Variants in MIR2052HG observed in about 807,000 individuals in gnomAD.
MIR2052HG encodes MIR2052 host gene.
At chr8:74,740,697 G>C (rs1809816473) in intron 4 of MIR2052HG, among the ~76,000 whole-genome samples, 1 of 152,176 alleles carries the variant, frequency 6.6e-6, no homozygotes, top group African/African-American at 2.4e-5. Flanking sequence ...GTTGGAATGA[G>C]ACACAGTGGA....
At chr8:74,722,745 G>T (rs1441789698) in intron 4 of MIR2052HG, among the ~76,000 whole-genome samples, 1 of 152,110 alleles carries the variant, frequency 6.6e-6, no homozygotes, top group Non-Finnish European at 1.5e-5. Context: ...GCTGGTCAAT[G>T]GTTATCTCAT....
intron 4 of MIR2052HG, among the ~76,000 whole-genome samples, chr8:74,708,853 T>G (rs1237950848): frequency 6.6e-6 from 1 of 151,676 alleles, no homozygotes; most frequent in Admixed American, 6.6e-5. Context: ...TTTTAAAATC[T>G]AAATTTAAAT....
At chr8:74,657,070 G>T (rs542458635) in intron 2 of MIR2052HG, among the ~76,000 whole-genome samples, 1 of 152,148 alleles carries the variant, frequency 6.6e-6, no homozygotes, top group South Asian at 2.1e-4. Flanking sequence ...CTGCAAACTC[G>T]TACAAACACT....
chr8:74,674,117 C>A (rs1809024564), intron 2 of MIR2052HG, among the ~76,000 whole-genome samples: 2 of 143,322 alleles, frequency 1.4e-5, no homozygotes, highest in Non-Finnish European at 3.0e-5. Context: ...ATGGTGTAGA[C>A]CGGTTATACC....
At chr8:74,724,794 A>G (rs1455721091) in intron 4 of MIR2052HG, among the ~76,000 whole-genome samples, 1 of 152,184 alleles carries the variant, frequency 6.6e-6, no homozygotes, top group African/African-American at 2.4e-5. Context: ...TCCCAAATTA[A>G]AACAAAAATG....
chr8:74,714,784 A>C (rs1435185064), intron 4 of MIR2052HG, among the ~76,000 whole-genome samples: 2 of 147,054 alleles, frequency 1.4e-5, no homozygotes, highest in Admixed American at 1.4e-4. Flanking sequence ...GGCTCGCTGC[A>C]ACCTCTCCCT....
At chr8:74,621,443 G>C (rs1183590307) in intron 2 of MIR2052HG, among the ~76,000 whole-genome samples, 1 of 152,174 alleles carries the variant, frequency 6.6e-6, no homozygotes, top group East Asian at 1.9e-4. Flanking sequence ...AAAGGAAAGA[G>C]GTTTAATAGA....
chr8:74,687,324 T>C (rs1268621074), intron 2 of MIR2052HG, among the ~76,000 whole-genome samples: 1 of 152,158 alleles, frequency 6.6e-6, no homozygotes, highest in African/African-American at 2.4e-5. Context: ...TACCATATGA[T>C]CCAGCAATTC....
chr8:74,744,672 T>C (rs1314239758), intron 4 of MIR2052HG, among the ~76,000 whole-genome samples: 1 of 152,200 alleles, frequency 6.6e-6, no homozygotes, highest in Non-Finnish European at 1.5e-5. Flanking sequence ...TTTTTCTGGC[T>C]GCATAGTATT....
chr8:74,686,868 A>C (rs192375910), intron 2 of MIR2052HG, among the ~76,000 whole-genome samples: 1 of 152,166 alleles, frequency 6.6e-6, no homozygotes, highest in African/African-American at 2.4e-5. Context: ...ACATTGCAAA[A>C]CCCATTAAAA....
chr8:74,679,936 T>C (rs926399569), intron 2 of MIR2052HG, among the ~76,000 whole-genome samples: 1 of 152,172 alleles, frequency 6.6e-6, no homozygotes, highest in Non-Finnish European at 1.5e-5. Flanking sequence ...TTCTATTTAG[T>C]GTTTTAATGT....
At chr8:74,725,321 G>A (rs1206809229) in intron 4 of MIR2052HG, among the ~76,000 whole-genome samples, 1 of 152,184 alleles carries the variant, frequency 6.6e-6, no homozygotes, top group Non-Finnish European at 1.5e-5. Context: ...CACTCACTTA[G>A]CGTCTAGGAG....
intron 2 of MIR2052HG, among the ~76,000 whole-genome samples, chr8:74,614,222 A>G (rs1264575658): frequency 1.3e-5 from 2 of 152,220 alleles, no homozygotes; most frequent in Non-Finnish European, 2.9e-5. Context: ...TACTAGGTTC[A>G]GTATTTTAAA....
intron 2 of MIR2052HG, among the ~76,000 whole-genome samples, chr8:74,669,610 A>C (rs1348244601): frequency 6.6e-6 from 1 of 152,156 alleles, no homozygotes; most frequent in African/African-American, 2.4e-5. Flanking sequence ...GTATCTCATG[A>C]TCCATTGATA....
chr8:74,748,445 A>G (rs1461107086), intron 4 of MIR2052HG, among the ~76,000 whole-genome samples: 1 of 152,238 alleles, frequency 6.6e-6, no homozygotes, highest in Non-Finnish European at 1.5e-5. Context: ...ACAATGAAAG[A>G]AGAAAAATGC....
intron 2 of MIR2052HG, among the ~76,000 whole-genome samples, chr8:74,631,475 C>T (rs750176917): frequency 2.6e-5 from 4 of 152,076 alleles, no homozygotes; most frequent in Non-Finnish European, 4.4e-5. Flanking sequence ...CATATTTCTA[C>T]TTTTTTGATT....
chr8:74,694,522 G>T (rs1175110068), intron 2 of MIR2052HG, among the ~76,000 whole-genome samples: 1 of 152,130 alleles, frequency 6.6e-6, no homozygotes, highest in Non-Finnish European at 1.5e-5. Flanking sequence ...TCTCTGAATT[G>T]CCAGAAAAAG....
At chr8:74,681,586 A>G (rs149473023) in intron 2 of MIR2052HG, among the ~76,000 whole-genome samples, 14 of 152,228 alleles carry the variant, frequency 9.2e-5, no homozygotes, top group Admixed American at 3.9e-4. Context: ...TTGAGAGGTG[A>G]TTAAGGCTCT....
At chr8:74,708,638 T>C (rs1809434467) in intron 4 of MIR2052HG, among the ~76,000 whole-genome samples, 1 of 152,088 alleles carries the variant, frequency 6.6e-6, no homozygotes. Flanking sequence ...AAAACTTAGT[T>C]GAACATTTAA....
Sources: allele counts gnomAD v4.1 joint callset (sites outside exome capture counted in the v4.1 genomes callset), GRCh38; gene constraint gnomAD v4.1.1; transcripts MANE v1.5; gene names NCBI Gene and HGNC (gene_info 2026-07-23, HGNC 2026-07-21).